Variants in SGCD observed in about 807,000 individuals in gnomAD.
SGCD encodes the protein delta-sarcoglycan.
In SGCD, 18 loss-of-function variants were observed where a neutral mutation model predicts 36.6. That is an observed-to-expected ratio of 0.49 (90% CI 0.34 to 0.73). The LOEUF (loss-of-function observed/expected upper bound fraction) is 0.73. SGCD is among the 30% of genes least tolerant of loss of function. The pLI is 0.01. For synonymous variants in SGCD, 133 were observed against 130.6 expected, an observed-to-expected ratio of 1.02 and a Z score of -0.12; for missense variants, 387 against 346.7, an observed-to-expected ratio of 1.12 and a Z score of -0.92.
rs1757616611 is a variant in SGCD at position 156,767,549 on chromosome 5, G to A, written c.*8159G>A. Reference sequence around the variant, plus strand: ...TGAGTTCAGCCTTTGGATTATTTTTGGTTTGGTTTTTCTCTGGTTTTGGGT... The same window carrying A: ...TGAGTTCAGCCTTTGGATTATTTTTAGTTTGGTTTTTCTCTGGTTTTGGGT... On this transcript the variant is annotated 3_prime_UTR_variant, in exon 9 of 9. Coordinates refer to ENST00000337851, the MANE Select transcript of SGCD (RefSeq NM_000337.6). 2 of 148,732 alleles carry A rather than the reference G, an allele frequency of 1.3e-5. No individual in the cohort carries two copies. Among genetic ancestry groups the A allele is most frequent in the Admixed American group, 1.3e-4 (2 of 14,868 alleles). 9.2% of individuals were successfully genotyped at this position (148,732 alleles called of 1,614,324 possible).
rs78502622 is a variant in SGCD, at chr5:156,752,103, G to T, written c.576-5478G>T. On this transcript the variant is annotated intron_variant, in intron 7 of 8. Transcript: ENST00000337851. ...GAAATGGAATAAATTACAGCTATGT[G>T]CTGAAATGTAGAATAACCTCAGAAA... 2.3e-3 allele frequency among the ~76,000 whole-genome samples: 351 copies of T among 152,308 alleles called. 2 individuals are homozygous for T. Among genetic ancestry groups the T allele is most frequent in the African/African-American group, 8.2e-3 (342 of 41,562 alleles).
the SGCD span, among the ~76,000 whole-genome samples, chr5:155,808,959 A>C: frequency 6.6e-6 from 1 of 152,216 alleles, no homozygotes; most frequent in Non-Finnish European, 1.5e-5. Context: ...TATATAGTAG[A>C]TTATTACATG....
At chr5:156,205,024 C>A (rs1376072017) in intron 3 of SGCD, among the ~76,000 whole-genome samples, 4 of 152,064 alleles carry the variant, frequency 2.6e-5, no homozygotes, top group Non-Finnish European at 5.9e-5. Flanking sequence ...TTCACCTGAA[C>A]AATATCAATT....
At chr5:156,445,020 G>A (rs1338753841) in intron 3 of SGCD, among the ~76,000 whole-genome samples, 1 of 152,274 alleles carries the variant, frequency 6.6e-6, no homozygotes, top group South Asian at 2.1e-4. Flanking sequence ...ATAATTGAGA[G>A]CATTAGCGTT....
chr5:156,228,836 T>C (rs1764923948), intron 3 of SGCD, among the ~76,000 whole-genome samples: 1 of 152,138 alleles, frequency 6.6e-6, no homozygotes, highest in African/African-American at 2.4e-5. Context: ...GCCATCCTTA[T>C]AGTGGTGGTG....
the SGCD span, among the ~76,000 whole-genome samples, chr5:155,833,163 G>A: frequency 1.3e-5 from 2 of 151,994 alleles, no homozygotes; most frequent in Non-Finnish European, 2.9e-5. Context: ...CTGGGAGATG[G>A]AGATTGCAGT....
At chr5:156,077,102 C>G (rs561691484) in intron 1 of SGCD, among the ~76,000 whole-genome samples, 12 of 152,064 alleles carry the variant, frequency 7.9e-5, no homozygotes, top group East Asian at 1.9e-4. Context: ...TTTTCTGGAT[C>G]GTCACGTGAC....
chr5:156,257,188 T>TA (rs1554087750), intron 3 of SGCD, among the ~76,000 whole-genome samples: 1 of 150,992 alleles, frequency 6.6e-6, no homozygotes, highest in African/African-American at 2.4e-5. Context: ...AATAAATAAA[T>TA]AAAAGGCCAG....
chr5:156,637,130 A>C (rs1762855932), intron 6 of SGCD, among the ~76,000 whole-genome samples: 1 of 152,060 alleles, frequency 6.6e-6, no homozygotes, highest in African/African-American at 2.4e-5. Flanking sequence ...GTGAGTTCTC[A>C]TGACATCTGA....
At chr5:156,516,227 C>G (rs922595835) in intron 4 of SGCD, among the ~76,000 whole-genome samples, 7 of 152,062 alleles carry the variant, frequency 4.6e-5, no homozygotes, top group East Asian at 1.9e-4. Context: ...TGAGACCCCC[C>G]ACACACACAC....
chr5:155,953,240 A>G (rs1348844727), intron 1 of SGCD, among the ~76,000 whole-genome samples: 1 of 152,036 alleles, frequency 6.6e-6, no homozygotes, highest in Non-Finnish European at 1.5e-5. Flanking sequence ...AGCACAATTT[A>G]CTTAATACCC....
chr5:155,951,110 G>A (rs1180814138), intron 1 of SGCD, among the ~76,000 whole-genome samples: 3 of 152,142 alleles, frequency 2.0e-5, no homozygotes, highest in South Asian at 4.2e-4. Flanking sequence ...CACAAGATGC[G>A]GATTTCACAT....
chr5:155,923,991 G>T (rs1156644181), intron 1 of SGCD, among the ~76,000 whole-genome samples: 2 of 152,142 alleles, frequency 1.3e-5, no homozygotes, highest in Admixed American at 1.3e-4. Context: ...CTTGCCTGGG[G>T]TGTTTTTCAG....
At chr5:156,248,281 G>A (rs1375078844) in intron 3 of SGCD, among the ~76,000 whole-genome samples, 1 of 152,158 alleles carries the variant, frequency 6.6e-6, no homozygotes, top group Non-Finnish European at 1.5e-5. Context: ...CAGCACTTTG[G>A]GAGGCCGAGA....
intron 1 of SGCD, among the ~76,000 whole-genome samples, chr5:156,017,399 TA>T (rs1284223744): frequency 6.6e-6 from 1 of 152,094 alleles, no homozygotes; most frequent in Admixed American, 6.6e-5. Context: ...AAATCATAGA[TA>T]AAAACTTTTA....
intron 3 of SGCD, among the ~76,000 whole-genome samples, chr5:156,301,638 A>G (rs1391839350): frequency 6.6e-6 from 1 of 152,084 alleles, no homozygotes; most frequent in East Asian, 1.9e-4. Flanking sequence ...CTGCTAATTA[A>G]TACCTTTGTC....
chr5:156,116,143 G>T (rs1761900714), intron 1 of SGCD, among the ~76,000 whole-genome samples: 2 of 152,096 alleles, frequency 1.3e-5, no homozygotes, highest in African/African-American at 2.4e-5. Flanking sequence ...CACAAAGAAA[G>T]GCAGCTTGTT....
At chr5:156,284,850 G>A (rs1359237093) in intron 3 of SGCD, among the ~76,000 whole-genome samples, 5 of 152,146 alleles carry the variant, frequency 3.3e-5, no homozygotes, top group Admixed American at 2.6e-4. Context: ...AGGAAATAAA[G>A]GGTATTCAAT....
chr5:155,770,365 G>A, the SGCD span, among the ~76,000 whole-genome samples: 2 of 152,012 alleles, frequency 1.3e-5, no homozygotes, highest in Non-Finnish European at 1.5e-5. Context: ...TAGGATGTGG[G>A]GGGCAGGGGT....
Sources: gnomAD v4.1 joint callset for allele counts (sites outside exome capture counted in the v4.1 genomes callset) on GRCh38, gnomAD v4.1.1 for gene constraint, MANE v1.5 for transcripts, NCBI Gene and HGNC (gene_info 2026-07-23, HGNC 2026-07-21) for gene names.